Variants in STK10 observed in about 807,000 individuals in gnomAD.
The protein encoded by STK10 is serine/threonine kinase 10, also known as serine/threonine-protein kinase 10.
A neutral mutation model predicts 113.8 loss-of-function variants in STK10; 78 were observed. The observed-to-expected ratio is 0.69, with a 90% CI of 0.57 to 0.83. STK10 has a LOEUF of 0.83. STK10 is among the 40% of genes least tolerant of loss of function. The pLI, the probability that STK10 is intolerant of heterozygous loss-of-function variation, is 0.00. For synonymous variants in STK10, 465 were observed against 494.7 expected, an observed-to-expected ratio of 0.94 and a Z score of 0.80; for missense variants, 1,109 against 1,280.1, an observed-to-expected ratio of 0.87 and a Z score of 2.04.
At chr5:172,079,574 T>TTTA (rs376382909) in intron 12 of STK10, among the ~76,000 whole-genome samples, 31 of 147,690 alleles carry the variant, frequency 2.1e-4, no homozygotes, top group Admixed American at 2.0e-4. Flanking sequence ...TATTTATTTA[T>TTTA]TTTTGAGATG....
rs1293196709 is a variant in STK10 at position 172,042,274 on chromosome 5, T to C, written c.*2608A>G. On this transcript the variant is annotated 3_prime_UTR_variant, in exon 19 of 19. Transcript: ENST00000176763. ...AAAACCCAGTTCTGTCTGTCCCTTATACAGAAAGCACTAACACAGGGCACG... is the reference window on the plus strand; with the variant it reads ...AAAACCCAGTTCTGTCTGTCCCTTACACAGAAAGCACTAACACAGGGCACG... 9 of 152,552 alleles carry C rather than the reference T, an allele frequency of 5.9e-5. No homozygotes were observed. 9.4% of individuals were successfully genotyped at this position (152,552 alleles called of 1,614,324 possible). A position where few individuals can be genotyped will look rare whatever the true frequency, so the allele number is the denominator to read the frequency against.
chr5:172,046,442 A>C (rs1229691604), intron 18 of STK10, among the ~76,000 whole-genome samples: 2 of 152,130 alleles, frequency 1.3e-5, no homozygotes, highest in Non-Finnish European at 2.9e-5. Context: ...ATAGGCTATC[A>C]GTTTGGGACC....
At chr5:172,054,796 G>A (rs1210055950) in intron 16 of STK10, 102 bp from the exon 17 acceptor site, 1 of 1,524,250 alleles carries the variant, frequency 6.6e-7, no homozygotes, top group African/African-American at 1.4e-5. Flanking sequence ...CAGGGGGACT[G>A]GTCTGTGCAC....
Position 172,044,687 on chromosome 5 carries a change from C to T in STK10, c.*195G>A, listed in dbSNP as rs762436579. ...AGGTGACAAATAATTACACCTCACC[C>T]TCCACAGGCCAGCAAGAAGTCAGGA... On this transcript the variant is annotated 3_prime_UTR_variant, in exon 19 of 19. Coordinates refer to ENST00000176763, the MANE Select transcript of STK10 (RefSeq NM_005990.4). The surrounding 1 kb of genome is among the most constrained non-coding windows in gnomAD (Gnocchi z 4.5). 167 of 789,544 alleles carry T rather than the reference C, an allele frequency of 2.1e-4. No individual in the cohort carries two copies. The highest frequency in any genetic ancestry group is 3.8e-4 in the Middle Eastern group (1 of 2,646). The allele number at this position is 789,544 out of a possible 1,614,324, so 48.9% of individuals were successfully genotyped here.
At chr5:172,162,294 C>T (rs1000421564) in intron 1 of STK10, among the ~76,000 whole-genome samples, 42 of 151,888 alleles carry the variant, frequency 2.8e-4, no homozygotes, top group African/African-American at 8.2e-4. Flanking sequence ...GAGCCGACTG[C>T]GCCACTGCAC....
chr5:172,092,820 G>A (rs1010794730), intron 9 of STK10: 2 of 152,384 alleles, frequency 1.3e-5, no homozygotes, highest in African/African-American at 4.8e-5. Flanking sequence ...CCACTGGGAA[G>A]GTTTAGAGTT....
intron 18 of STK10, among the ~76,000 whole-genome samples, chr5:172,051,926 C>G (rs974305140): frequency 3.3e-5 from 5 of 152,128 alleles, no homozygotes; most frequent in Non-Finnish European, 2.9e-5. Flanking sequence ...AAGAGAGAGA[C>G]AGGGCAGTAA....
intron 9 of STK10, among the ~76,000 whole-genome samples, chr5:172,090,930 G>C (rs989470439): frequency 2.9e-5 from 3 of 103,354 alleles, no homozygotes; most frequent in Admixed American, 1.4e-4. Context: ...GCTAGACTCC[G>C]TCTCTAAAAA....
chr5:172,168,240 T>A (rs1770605002), intron 1 of STK10, among the ~76,000 whole-genome samples: 1 of 152,228 alleles, frequency 6.6e-6, no homozygotes, highest in African/African-American at 2.4e-5. Flanking sequence ...TGTCCCTGCC[T>A]GAACACAGTT....
chr5:172,044,793 G>A lies in STK10; in HGVS notation c.*89C>T, dbSNP rs1458393267. The A allele has an allele frequency of 1.9e-6, 3 of 1,602,834 alleles. No individual in the cohort carries two copies. The highest frequency in any genetic ancestry group is 2.6e-6 in the Non-Finnish European group (3 of 1,174,656). On this transcript the variant is annotated 3_prime_UTR_variant, in exon 19 of 19. Coordinates refer to ENST00000176763, the MANE Select transcript of STK10 (RefSeq NM_005990.4). This position sits in a 1 kb window ranked among gnomAD's most constrained non-coding sequence, Gnocchi z 4.5. The stretch of plus-strand genomic sequence containing the variant: ...TTTGAGCTGGCACAGACGCAAGAGG[G>A]AAAAGGGGTCCTGAGTTACATGTTC...
intron 1 of STK10, among the ~76,000 whole-genome samples, chr5:172,161,953 G>C (rs1012319422): frequency 1.3e-5 from 2 of 152,214 alleles, no homozygotes; most frequent in African/African-American, 4.8e-5. Context: ...GACATTTCAT[G>C]ATGGGCCATT....
chr5:172,132,901 G>A (rs139348621), intron 2 of STK10, among the ~76,000 whole-genome samples: 71 of 152,300 alleles, frequency 4.7e-4, no homozygotes, highest in East Asian at 1.9e-3. Context: ...GCAGGCACAC[G>A]GTGACTATGT....
intron 13 of STK10, chr5:172,061,470 A>C (rs184832401): frequency 3.2e-6 from 2 of 628,514 alleles, no homozygotes; most frequent in Admixed American, 7.1e-5. Context: ...ATCCTGGATC[A>C]AAGAACAGTC....
At chr5:172,057,064 A>G (rs55940265) in intron 15 of STK10, 54,756 of 246,012 alleles carry the variant, frequency 0.22, 7,389 homozygotes, top group East Asian at 0.33. Flanking sequence ...GAAGAAAGGG[A>G]AAAAAAAGAA....
chr5:172,098,319 A>G (rs1768902574), intron 7 of STK10, among the ~76,000 whole-genome samples: 1 of 152,174 alleles, frequency 6.6e-6, no homozygotes, highest in African/African-American at 2.4e-5. Context: ...GGTGGAGACT[A>G]AAGTCTGCAG....
intron 3 of STK10, among the ~76,000 whole-genome samples, chr5:172,118,587 A>G (rs1769437694): frequency 6.6e-6 from 1 of 152,030 alleles, no homozygotes; most frequent in African/African-American, 2.4e-5. Flanking sequence ...TGTCTCCAAA[A>G]TGTCCACTGG....
intron 2 of STK10, among the ~76,000 whole-genome samples, chr5:172,144,076 A>C (rs1770032336): frequency 6.6e-6 from 1 of 152,254 alleles, no homozygotes. Context: ...GTGTTTGATA[A>C]GCATTCCTTC....
intron 10 of STK10, among the ~76,000 whole-genome samples, chr5:172,087,221 C>T (rs938308953): frequency 4.0e-5 from 6 of 150,622 alleles, no homozygotes; most frequent in Non-Finnish European, 8.8e-5. Flanking sequence ...GAGAAGAGAT[C>T]CACAACATCT....
chr5:172,134,466 G>A, intron 2 of STK10, among the ~76,000 whole-genome samples: 1 of 151,990 alleles, frequency 6.6e-6, no homozygotes, highest in East Asian at 1.9e-4. Context: ...AAAATTTTGA[G>A]GACCTCTAAA....
Sources: gnomAD v4.1 joint callset for allele counts (sites outside exome capture counted in the v4.1 genomes callset) on GRCh38, gnomAD v4.1.1 for gene constraint, Gnocchi (gnomAD v3.1) non-coding constraint, MANE v1.5 for transcripts, NCBI Gene and HGNC (gene_info 2026-07-23, HGNC 2026-07-21) for gene names.